Variants in MAGI2 observed in about 807,000 individuals in gnomAD.
The protein encoded by MAGI2 is membrane associated guanylate kinase, WW and PDZ domain containing 2, also known as membrane-associated guanylate kinase, WW and PDZ domain-containing protein 2.
MAGI2 carries 35 observed loss-of-function variants against 133.3 expected under a neutral mutation model. The ratio of observed to expected loss-of-function variants is 0.26; its 90% CI spans 0.20 to 0.35. MAGI2 has a LOEUF of 0.35. Among genes scored for constraint, MAGI2 ranks in the 10% least tolerant of loss-of-function variants. The pLI is 1.00. For synonymous variants in MAGI2, 729 were observed against 710.6 expected (o/e 1.03, Z -0.41); for missense variants, 1,636 against 1,863.4 (o/e 0.88, Z 2.25).
intron 6 of MAGI2, among the ~76,000 whole-genome samples, chr7:78,482,878 T>TACACAC (rs3086358): frequency 2.6e-3 from 233 of 89,936 alleles, no homozygotes; most frequent in East Asian, 0.01. Context: ...CACATGGAAC[T>TACACAC]ACACACACAC....
intron 20 of MAGI2, among the ~76,000 whole-genome samples, chr7:78,091,605 T>C (rs908651587): frequency 2.6e-5 from 4 of 152,194 alleles, no homozygotes; most frequent in Admixed American, 1.3e-4. Flanking sequence ...CACTGACCTT[T>C]GGGAGGAATA....
intron 1 of MAGI2, among the ~76,000 whole-genome samples, chr7:79,199,084 G>A (rs546577970): frequency 4.6e-5 from 7 of 151,906 alleles, no homozygotes; most frequent in East Asian, 3.9e-4. Flanking sequence ...TAAACATTAC[G>A]AAATCCACAA....
chr7:78,591,025 C>A lies in MAGI2; in HGVS notation c.538+36095G>T, dbSNP rs1170276936. 3.3e-5 allele frequency among the ~76,000 whole-genome samples: 5 copies of A among 152,034 alleles called. No individual in the cohort carries two copies. In the East Asian group the frequency reaches 9.6e-4, roughly 29 times the overall value. On this transcript the variant is annotated intron_variant, in intron 3 of 21. Coordinates refer to ENST00000354212, the MANE Select transcript of MAGI2 (RefSeq NM_012301.4). ...TCCTCTCTATATTTATTAATTTATT[C>A]CTTTGACAAATATTATTAAAGAGAG...
At chr7:78,603,665 G>T (rs939480111) in intron 3 of MAGI2, among the ~76,000 whole-genome samples, 4 of 152,112 alleles carry the variant, frequency 2.6e-5, no homozygotes, top group Admixed American at 2.6e-4. Flanking sequence ...TGGATTACAG[G>T]TGCATGCCAC....
chr7:78,626,652 C>T (rs1808380050), intron 3 of MAGI2, among the ~76,000 whole-genome samples: 1 of 151,904 alleles, frequency 6.6e-6, no homozygotes, highest in African/African-American at 2.4e-5. Context: ...CCCATAATTT[C>T]GTGTAGGAGG....
intron 21 of MAGI2, among the ~76,000 whole-genome samples, chr7:78,069,874 A>G (rs1814303639): frequency 6.6e-6 from 1 of 151,996 alleles, no homozygotes; most frequent in East Asian, 1.9e-4. Flanking sequence ...GAATGTTCCT[A>G]TTAGATCCTA....
At chr7:79,067,369 G>A (rs926739510) in intron 1 of MAGI2, among the ~76,000 whole-genome samples, 1 of 152,138 alleles carries the variant, frequency 6.6e-6, no homozygotes, top group Non-Finnish European at 1.5e-5. Context: ...TGTAGCAATT[G>A]TGAATGGGAG....
chr7:78,721,687 A>G (rs1437512443), intron 2 of MAGI2, among the ~76,000 whole-genome samples: 4 of 152,040 alleles, frequency 2.6e-5, no homozygotes, highest in African/African-American at 9.6e-5. Flanking sequence ...CTAAGATGGT[A>G]GCTTTTTACT....
intron 2 of MAGI2, among the ~76,000 whole-genome samples, chr7:78,942,717 T>C (rs1801085776): frequency 6.6e-6 from 1 of 152,142 alleles, no homozygotes; most frequent in Non-Finnish European, 1.5e-5. Context: ...ACTTAGAATA[T>C]ATGTAAACAG....
intron 13 of MAGI2, chr7:78,184,780 A>T (rs907366725): frequency 1.3e-5 from 2 of 152,234 alleles, no homozygotes; most frequent in Non-Finnish European, 2.9e-5. Flanking sequence ...CCTTTTAAGC[A>T]AATTAATTGG....
intron 5 of MAGI2, among the ~76,000 whole-genome samples, chr7:78,492,711 G>A (rs528698817): frequency 6.6e-6 from 1 of 152,116 alleles, no homozygotes; most frequent in Non-Finnish European, 1.5e-5. Flanking sequence ...AGATTCAGGT[G>A]CATGACATCA....
chr7:79,115,854 GTTTTT>G lies in MAGI2; in HGVS notation c.302-108653_302-108649del, dbSNP rs59398227. The stretch of plus-strand genomic sequence containing the variant: ...TCTGAATTATTCTAAATGTTTTAAA[GTTTTT>G]TTTTTTTTTTTTTTTTTTTTTTTAA... On this transcript the variant is annotated intron_variant, in intron 1 of 21. Transcript: ENST00000354212. Among the ~76,000 whole-genome samples the G allele has an allele frequency of 1.8e-3, 167 of 93,944 alleles. 1 individual carries two copies. Among genetic ancestry groups the G allele is most frequent in the African/African-American group, 5.9e-3 (135 of 22,934 alleles). 61.6% of individuals were successfully genotyped at this position (93,944 alleles called of 152,430 possible).
chr7:78,506,421 T>C (rs771235211), intron 4 of MAGI2, among the ~76,000 whole-genome samples: 6 of 152,120 alleles, frequency 3.9e-5, no homozygotes, highest in Non-Finnish European at 8.8e-5. Flanking sequence ...GGCTAGATGG[T>C]ACTATAATTT....
intron 18 of MAGI2, among the ~76,000 whole-genome samples, chr7:78,131,386 T>A (rs1018360916): frequency 1.3e-5 from 2 of 152,238 alleles, no homozygotes; most frequent in African/African-American, 4.8e-5. Flanking sequence ...GAATAAGGCT[T>A]TGTAGAAATA....
At chr7:79,132,043 AAAT>A (rs1302443978) in intron 1 of MAGI2, among the ~76,000 whole-genome samples, 1 of 152,180 alleles carries the variant, frequency 6.6e-6, no homozygotes, top group Non-Finnish European at 1.5e-5. Context: ...AAATAAATAC[AAAT>A]AATACTTTAA....
intron 2 of MAGI2, among the ~76,000 whole-genome samples, chr7:78,914,919 T>C (rs1450782030): frequency 6.6e-6 from 1 of 152,136 alleles, no homozygotes; most frequent in Non-Finnish European, 1.5e-5. Context: ...AATGAGATAA[T>C]TTTATTTCCT....
intron 1 of MAGI2, among the ~76,000 whole-genome samples, chr7:79,164,197 T>C (rs1824701641): frequency 6.6e-6 from 1 of 152,022 alleles, no homozygotes; most frequent in Non-Finnish European, 1.5e-5. Context: ...CTTGCCCAAA[T>C]TCCTATGTAA....
At chr7:78,351,751 G>A (rs1462205107) in intron 7 of MAGI2, 1 of 152,034 alleles carries the variant, frequency 6.6e-6, no homozygotes, top group East Asian at 1.9e-4. Context: ...ATTTTAATAT[G>A]AGCCTTGGGA....
At chr7:78,278,113 A>G (rs927156223) in intron 9 of MAGI2, among the ~76,000 whole-genome samples, 3 of 152,172 alleles carry the variant, frequency 2.0e-5, no homozygotes, top group African/African-American at 7.2e-5. Context: ...AAGGAAACTC[A>G]CATCATTATT....
Sources: gnomAD v4.1 joint callset for allele counts (sites outside exome capture counted in the v4.1 genomes callset) on GRCh38, gnomAD v4.1.1 for gene constraint, MANE v1.5 for transcripts, NCBI Gene and HGNC (gene_info 2026-07-23, HGNC 2026-07-21) for gene names.